DENND5B: variants seen among roughly 807,000 people sequenced by gnomAD.
The protein encoded by DENND5B is DENN domain containing 5B, also known as DENN domain-containing protein 5B.
A neutral mutation model predicts 140.6 loss-of-function variants in DENND5B; 34 were observed. The observed-to-expected ratio is 0.24, with a 90% confidence interval of 0.18 to 0.32. DENND5B has a LOEUF of 0.32. Ranked by LOEUF, DENND5B falls within the 10% of genes least tolerant of loss-of-function variation. DENND5B has a pLI of 1.00. For synonymous variants in DENND5B, 551 were observed against 562.1 expected, an observed-to-expected ratio of 0.98 and a Z score of 0.28; for missense variants, 1,142 against 1,560.2, an observed-to-expected ratio of 0.73 and a Z score of 4.52.
At chr12:31,421,675 G>T (rs1041270025) in intron 11 of DENND5B, among the ~76,000 whole-genome samples, 1 of 152,190 alleles carries the variant, frequency 6.6e-6, no homozygotes, top group Admixed American at 6.5e-5. Context: ...TCAGTCTCCT[G>T]AGTAGCTGGG....
Position 31,576,719 on chromosome 12 carries a change from CA to C in DENND5B, c.127+13986del, listed in dbSNP as rs563845424. Among the ~76,000 whole-genome samples the C allele has an allele frequency of 3.8e-3, 548 of 145,630 alleles. 5 individuals are homozygous for C. The highest frequency in any genetic ancestry group is 0.017 in the Middle Eastern group (5 of 290). ...GCAATAAAGCAAGAACCCATCTCTACAAAAAAAAAATGTTTTTTTTAATTAG... is the reference window on the plus strand; with the variant it reads ...GCAATAAAGCAAGAACCCATCTCTACAAAAAAAAATGTTTTTTTTAATTAG... On this transcript the variant is annotated intron_variant, in intron 1 of 20. Coordinates refer to ENST00000389082, the MANE Select transcript of DENND5B (RefSeq NM_144973.4).
At chr12:31,415,780 G>A (rs891980553) in intron 11 of DENND5B, among the ~76,000 whole-genome samples, 8 of 151,930 alleles carry the variant, frequency 5.3e-5, no homozygotes, top group African/African-American at 1.9e-4. Context: ...TAGAGACGGG[G>A]TCTCCCTATG....
intron 4 of DENND5B, among the ~76,000 whole-genome samples, chr12:31,454,746 C>G (rs946478909): frequency 1.3e-5 from 2 of 149,002 alleles, no homozygotes; most frequent in Non-Finnish European, 3.0e-5. Flanking sequence ...CCTGGCCGGC[C>G]TACACCATTC....
chr12:31,560,790 C>T (rs772477721), intron 1 of DENND5B, among the ~76,000 whole-genome samples: 2 of 152,110 alleles, frequency 1.3e-5, no homozygotes, highest in African/African-American at 2.4e-5. Context: ...ACCAGGTGAC[C>T]GCTTGATGTT....
chr12:31,402,699 CA>C, intron 14 of DENND5B, 56 bp from the exon 15 acceptor site: 1 of 1,541,442 alleles, frequency 6.5e-7, no homozygotes, highest in Middle Eastern at 1.7e-4. Context: ...CTCCTTATAA[CA>C]AAACATATAT....
intron 2 of DENND5B, among the ~76,000 whole-genome samples, chr12:31,484,009 A>G (rs1565626157): frequency 1.3e-5 from 2 of 151,076 alleles, no homozygotes; most frequent in African/African-American, 4.9e-5. Flanking sequence ...CTGCACCACC[A>G]TGCCCAGCTA....
chr12:31,447,179 G>A (rs1944311845), intron 6 of DENND5B, among the ~76,000 whole-genome samples: 1 of 151,984 alleles, frequency 6.6e-6, no homozygotes, highest in Non-Finnish European at 1.5e-5. Flanking sequence ...GCAGAGGCAG[G>A]AGAAACATTT....
chr12:31,576,156 A>AAAAAAAAAG (rs1555176281), intron 1 of DENND5B, among the ~76,000 whole-genome samples: 1 of 131,184 alleles, frequency 7.6e-6, no homozygotes, highest in East Asian at 2.3e-4. Context: ...AAAAAAAAAA[A>AAAAAAAAAG]AAGAAGAATG....
At chr12:31,464,922 T>G (rs1217419747) in intron 3 of DENND5B, 3 of 152,188 alleles carry the variant, frequency 2.0e-5, no homozygotes, top group East Asian at 1.9e-4. Context: ...TACTACATGA[T>G]GAGTAGCCAG....
intron 1 of DENND5B, among the ~76,000 whole-genome samples, chr12:31,581,648 A>ACAC (rs1217129515): frequency 6.0e-5 from 9 of 149,166 alleles, no homozygotes; most frequent in African/African-American, 2.2e-4. Flanking sequence ...AGCCGAGATC[A>ACAC]CACCATTGCC....
chr12:31,546,946 A>C (rs1284089534), intron 1 of DENND5B, among the ~76,000 whole-genome samples: 3 of 152,260 alleles, frequency 2.0e-5, no homozygotes, highest in Admixed American at 6.5e-5. Flanking sequence ...TAATTGGCAC[A>C]GACATATCTG....
intron 1 of DENND5B, among the ~76,000 whole-genome samples, chr12:31,575,267 A>G (rs1592080226): frequency 1.3e-5 from 2 of 152,194 alleles, no homozygotes; most frequent in Non-Finnish European, 2.9e-5. Flanking sequence ...CAAGCTTTAA[A>G]CCTATAACCA....
At chr12:31,469,991 G>A (rs748034713) in intron 3 of DENND5B, among the ~76,000 whole-genome samples, 17 of 151,882 alleles carry the variant, frequency 1.1e-4, no homozygotes, top group Admixed American at 9.2e-4. Context: ...GCTCTGTCAC[G>A]AGGCTGTAGT....
chr12:31,484,579 G>A (rs898676318), intron 2 of DENND5B, among the ~76,000 whole-genome samples: 2 of 152,084 alleles, frequency 1.3e-5, no homozygotes, highest in South Asian at 2.1e-4. Flanking sequence ...TGAAGCAGGC[G>A]GATTGCCTGA....
intron 2 of DENND5B, among the ~76,000 whole-genome samples, chr12:31,483,197 T>C (rs768008109): frequency 3.3e-5 from 5 of 152,212 alleles, no homozygotes; most frequent in African/African-American, 4.8e-5. Flanking sequence ...CATTAAGAAG[T>C]GGAGCTCACT....
chr12:31,395,529 G>T (rs1041350449), intron 17 of DENND5B, among the ~76,000 whole-genome samples: 1 of 152,090 alleles, frequency 6.6e-6, no homozygotes, highest in Non-Finnish European at 1.5e-5. Context: ...GGAAGCGGAG[G>T]TTGCAGTGAG....
intron 6 of DENND5B, among the ~76,000 whole-genome samples, chr12:31,446,237 C>A (rs527968280): frequency 2.0e-5 from 3 of 152,106 alleles, no homozygotes; most frequent in Admixed American, 6.5e-5. Context: ...CAACCTCCGC[C>A]TCCCGGGTTC....
chr12:31,523,482 A>G (rs546404121), intron 1 of DENND5B, among the ~76,000 whole-genome samples: 1 of 152,186 alleles, frequency 6.6e-6, no homozygotes, highest in Non-Finnish European at 1.5e-5. Flanking sequence ...CCTAAGTGTA[A>G]GGCAACATAT....
intron 4 of DENND5B, among the ~76,000 whole-genome samples, chr12:31,454,072 G>A (rs554807622): frequency 6.6e-6 from 1 of 151,376 alleles, no homozygotes; most frequent in South Asian, 2.1e-4. Flanking sequence ...ACCTCAGGAG[G>A]CAGAGGTTGC....
Sources: allele counts gnomAD v4.1 joint callset (sites outside exome capture counted in the v4.1 genomes callset), GRCh38; gene constraint gnomAD v4.1.1; transcripts MANE v1.5; gene names NCBI Gene and HGNC (gene_info 2026-07-23, HGNC 2026-07-21).